DSCAM: variants seen among roughly 807,000 people sequenced by gnomAD.
DSCAM encodes cell adhesion molecule DSCAM.
In DSCAM, 47 loss-of-function variants were observed where a neutral mutation model predicts 217.7. The observed-to-expected ratio is 0.22, with a 90% CI of 0.17 to 0.28. The LOEUF is 0.28. DSCAM is among the 10% of genes least tolerant of loss of function. The pLI is 1.00. For missense variants in DSCAM, 2,080 were observed against 2,618.3 expected (o/e 0.79, Z 4.49); for synonymous variants, 1,056 against 1,015.3 (o/e 1.04, Z -0.76).
chr21:40,358,632 C>G (rs986915261), intron 4 of DSCAM, among the ~76,000 whole-genome samples: 2 of 151,854 alleles, frequency 1.3e-5, no homozygotes, highest in Admixed American at 6.6e-5. Flanking sequence ...CATGGTGGAA[C>G]CCCGTCTCTA....
intron 5 of DSCAM, among the ~76,000 whole-genome samples, chr21:40,351,789 G>A (rs574678415): frequency 2.6e-5 from 4 of 152,244 alleles, no homozygotes; most frequent in South Asian, 2.1e-4. Context: ...AGTGATAAAC[G>A]CCTTTAGAGA....
chr21:40,313,754 C>T (rs2074166380), intron 8 of DSCAM, among the ~76,000 whole-genome samples: 1 of 151,782 alleles, frequency 6.6e-6, no homozygotes, highest in Non-Finnish European at 1.5e-5. Context: ...TAATGTAAGC[C>T]TTTTTTGTGT....
At chr21:40,704,154 T>TA (rs983584639) in intron 2 of DSCAM, among the ~76,000 whole-genome samples, 4 of 152,204 alleles carry the variant, frequency 2.6e-5, no homozygotes, top group South Asian at 2.1e-4. Context: ...TTCACTGCCC[T>TA]AAAAAAATCC....
chr21:40,388,072 G>A (rs1234999099), intron 3 of DSCAM, among the ~76,000 whole-genome samples: 1 of 152,088 alleles, frequency 6.6e-6, no homozygotes, highest in African/African-American at 2.4e-5. Context: ...TTCAAGGAGA[G>A]GGTAGAAAAA....
intron 10 of DSCAM, among the ~76,000 whole-genome samples, 187 bp downstream of exon 10, chr21:40,295,868 T>C (rs2073948529): frequency 6.6e-6 from 1 of 152,246 alleles, no homozygotes. Context: ...ACAGACACGT[T>C]GTGTGTCTGA....
At chr21:40,200,285 TAAAC>T (rs771155201) in intron 11 of DSCAM, among the ~76,000 whole-genome samples, 1 of 151,988 alleles carries the variant, frequency 6.6e-6, no homozygotes, top group Non-Finnish European at 1.5e-5. Flanking sequence ...TGGCAACTCT[TAAAC>T]AATCCCTATT....
intron 27 of DSCAM, among the ~76,000 whole-genome samples, chr21:40,071,589 G>C (rs1243275218): frequency 6.6e-6 from 1 of 152,032 alleles, no homozygotes; most frequent in Non-Finnish European, 1.5e-5. Context: ...CATCCACTGG[G>C]GATCCCTATA....
intron 5 of DSCAM, among the ~76,000 whole-genome samples, chr21:40,348,319 T>C (rs964026235): frequency 1.3e-4 from 20 of 152,260 alleles, no homozygotes; most frequent in Non-Finnish European, 2.6e-4. Flanking sequence ...ATTATTGCAA[T>C]CATACCCCAT....
chr21:40,695,281 G>A (rs1164762673), intron 2 of DSCAM, among the ~76,000 whole-genome samples: 1 of 151,990 alleles, frequency 6.6e-6, no homozygotes, highest in Admixed American at 6.6e-5. Flanking sequence ...CACTAGATGG[G>A]ATCACAGGAG....
chr21:40,840,095 A>G (rs2092087877), intron 1 of DSCAM, among the ~76,000 whole-genome samples: 1 of 152,232 alleles, frequency 6.6e-6, no homozygotes, highest in Admixed American at 6.5e-5. Context: ...TAAATATTGT[A>G]AGCTATAAGA....
intron 3 of DSCAM, among the ~76,000 whole-genome samples, chr21:40,605,572 C>T (rs1484434972): frequency 2.6e-5 from 4 of 152,134 alleles, no homozygotes; most frequent in East Asian, 1.9e-4. Context: ...AAACAAAATG[C>T]GAATAAGTGA....
chr21:40,337,526 A>T lies in DSCAM; in HGVS notation c.1783+575T>A, dbSNP rs1201338958. On this transcript the variant is annotated intron_variant, in intron 8 of 32. Transcript: ENST00000400454. ...CTGGTAAGGAGATTGTAGTCAATTC[A>T]AATTGCAGGATCTCTAAAGATCATC... is the stretch of plus-strand genomic sequence containing the variant. Among the ~76,000 whole-genome samples the T allele has an allele frequency of 2.6e-5, 4 of 152,316 alleles. No individual in the cohort carries two copies. In the East Asian group the frequency reaches 7.7e-4, roughly 29 times the overall value.
intron 19 of DSCAM, among the ~76,000 whole-genome samples, chr21:40,128,734 G>A (rs960282232): frequency 1.3e-5 from 2 of 149,974 alleles, no homozygotes; most frequent in African/African-American, 2.4e-5. Context: ...CATATCCTGT[G>A]AGCCTGGGAG....
rs372164961 is a variant in DSCAM at position 40,124,315 on chromosome 21, G to A, written c.3576C>T (p.Pro1192=). ...TRTKEDVPGP[P]AGVKAAAASA... ...AGGCCGCCGCTGCCTTCACACCCGC[G>A]GGAGGACCTGGAACTGGAAGAGCCG... Residue 1192 remains proline, a synonymous_variant, in exon 20 of 33, where the codon CCC becomes CCT. Coordinates refer to ENST00000400454, the MANE Select transcript of DSCAM (RefSeq NM_001389.5). The A allele has an allele frequency of 5.2e-5, 84 of 1,613,790 alleles. No homozygotes were observed. The highest frequency in any genetic ancestry group is 9.3e-5 in the African/African-American group (7 of 74,886).
At chr21:40,242,329 G>A (rs2146944346) in intron 11 of DSCAM, among the ~76,000 whole-genome samples, 1 of 152,302 alleles carries the variant, frequency 6.6e-6, no homozygotes, top group South Asian at 2.1e-4. Context: ...TGAGCACCTG[G>A]GAAACTTGTT....
chr21:40,395,214 G>C (rs907913936), intron 3 of DSCAM, among the ~76,000 whole-genome samples: 4 of 152,074 alleles, frequency 2.6e-5, no homozygotes, highest in African/African-American at 9.7e-5. Context: ...CTTGAGAAGA[G>C]ACTATTAGGG....
intron 19 of DSCAM, among the ~76,000 whole-genome samples, chr21:40,133,153 C>A (rs900493802): frequency 6.6e-6 from 1 of 152,222 alleles, no homozygotes; most frequent in Non-Finnish European, 1.5e-5. Context: ...TAGTATTTAT[C>A]AGAACTTATC....
chr21:40,801,892 G>A (rs563143405), intron 1 of DSCAM, among the ~76,000 whole-genome samples: 17 of 152,232 alleles, frequency 1.1e-4, no homozygotes, highest in African/African-American at 3.6e-4. Context: ...TCACAGGGGG[G>A]GTTGCCACCA....
At chr21:40,542,661 A>G in intron 3 of DSCAM, among the ~76,000 whole-genome samples, 1 of 152,228 alleles carries the variant, frequency 6.6e-6, no homozygotes, top group Non-Finnish European at 1.5e-5. Flanking sequence ...TCTGCTGACA[A>G]CCTGATCTCA....
Sources: gnomAD v4.1 joint callset for allele counts (sites outside exome capture counted in the v4.1 genomes callset) on GRCh38, gnomAD v4.1.1 for gene constraint, MANE v1.5 for transcripts, NCBI Gene and HGNC (gene_info 2026-07-23, HGNC 2026-07-21) for gene names.